SLCO6A1: variants seen among roughly 807,000 people sequenced by gnomAD.
SLCO6A1 encodes the protein solute carrier organic anion transporter family member 6A1, also known as cancer/testis antigen 48.
SLCO6A1 carries 65 observed loss-of-function variants against 72.7 expected under a neutral mutation model. That is an observed-to-expected ratio of 0.89 (90% CI 0.73 to 1.10). The LOEUF (loss-of-function observed/expected upper bound fraction) is 1.10. Among genes scored for constraint, SLCO6A1 ranks in the 50% least tolerant of loss-of-function variants. The probability of loss-of-function intolerance (pLI) is 0.00; values close to 1 mark genes in which losing one functional copy is unlikely to be tolerated. For missense variants in SLCO6A1, 874 were observed against 872.6 expected (o/e 1.00, Z -0.02); for synonymous variants, 314 against 298.2 (o/e 1.05, Z -0.55).
rs1338651445 is a variant in SLCO6A1, at chr5:102,458,502, A to T, written c.1022-11T>A. 6.3e-7 allele frequency: 1 copy of T among 1,586,072 alleles called. No homozygotes were observed. The highest frequency in any genetic ancestry group is 8.6e-7 in the Non-Finnish European group (1 of 1,163,698). The stretch of plus-strand genomic sequence containing the variant: ...TTATCCGTGTTGAACCTATATATAA[A>T]CAAGTAAAAAAACTTATGACATATT... On this transcript the variant is annotated splice_polypyrimidine_tract_variant and intron_variant, in intron 5 of 13. Coordinates refer to ENST00000506729, the MANE Select transcript of SLCO6A1 (RefSeq NM_173488.5).
At chr5:102,437,707 C>T (rs2112676725) in intron 7 of SLCO6A1, among the ~76,000 whole-genome samples, 1 of 152,188 alleles carries the variant, frequency 6.6e-6, no homozygotes, top group East Asian at 1.9e-4. Context: ...CTCAGGATTT[C>T]TGCACATCTT....
At chr5:102,464,745 G>C (rs1039130780) in intron 4 of SLCO6A1, among the ~76,000 whole-genome samples, 21 of 152,142 alleles carry the variant, frequency 1.4e-4, no homozygotes, top group African/African-American at 4.6e-4. Context: ...CATCAGGAAA[G>C]GAAAGGAAAG....
chr5:102,445,810 T>C (rs906603747), intron 6 of SLCO6A1, among the ~76,000 whole-genome samples: 1 of 152,244 alleles, frequency 6.6e-6, no homozygotes, highest in African/African-American at 2.4e-5. Context: ...CCCAGCATCA[T>C]TTATTGAATA....
At chr5:102,406,745 T>TAAA (rs536925183) in intron 9 of SLCO6A1, among the ~76,000 whole-genome samples, 3 of 151,032 alleles carry the variant, frequency 2.0e-5, no homozygotes, top group Admixed American at 6.6e-5. Flanking sequence ...ATTTGTATTC[T>TAAA]AAAAAAAAAC....
At chr5:102,474,252 G>A (rs1385860954) in intron 4 of SLCO6A1, among the ~76,000 whole-genome samples, 2 of 151,966 alleles carry the variant, frequency 1.3e-5, no homozygotes, top group Non-Finnish European at 2.9e-5. Flanking sequence ...AAATAGAATA[G>A]AGAACCCAGA....
intron 6 of SLCO6A1, 33 bp downstream of exon 6, chr5:102,458,349 G>T: frequency 1.3e-6 from 2 of 1,484,762 alleles, no homozygotes; most frequent in Non-Finnish European, 1.9e-6. Flanking sequence ...GGTCAACTTA[G>T]TTGGATTGTT....
At chr5:102,428,495 G>A (rs1749037984) in intron 7 of SLCO6A1, among the ~76,000 whole-genome samples, 1 of 152,100 alleles carries the variant, frequency 6.6e-6, no homozygotes, top group Non-Finnish European at 1.5e-5. Flanking sequence ...TAAGCTGCTA[G>A]AGGACATATT....
In SLCO6A1 at chr5:102,459,787, A is replaced by G; in HGVS notation, c.900-10T>C. On this transcript the variant is annotated splice_polypyrimidine_tract_variant and intron_variant, in intron 4 of 13. Transcript: ENST00000506729. ...ATTATTGACTGTAGTGCTTTAATAA[A>G]GAAAAGTGAAAAAAAAAAGCAACTT... is the stretch of plus-strand genomic sequence containing the variant. 1.3e-6 allele frequency: 2 copies of G among 1,551,802 alleles called. No individual in the cohort carries two copies. The highest frequency in any genetic ancestry group is 1.4e-5 in the African/African-American group (1 of 70,858).
rs2112821522 is a variant in SLCO6A1, at chr5:102,477,809, T to C, written c.669A>G (p.Ser223=). The C allele has an allele frequency of 6.2e-7, 1 of 1,613,762 alleles. No homozygotes were observed. The highest frequency in any genetic ancestry group is 8.5e-7 in the Non-Finnish European group (1 of 1,179,756). Reference sequence around the variant, plus strand: ...AGAAAGACAGGTATTTTGATTGGAATGATATACCACTGCTCTGGCAACCAC... The same window carrying C: ...AGAAAGACAGGTATTTTGATTGGAACGATATACCACTGCTCTGGCAACCAC... ...VVSGCQSSGI[S]FQSKYLSFFI... is the part of the protein sequence containing the mutation. The change falls in exon 3 of 14, where the codon TCA becomes TCG. Residue 223 remains serine, a synonymous_variant. Transcript: ENST00000506729.
At chr5:102,433,834 G>T (rs1749353563) in intron 7 of SLCO6A1, among the ~76,000 whole-genome samples, 1 of 152,116 alleles carries the variant, frequency 6.6e-6, no homozygotes, top group African/African-American at 2.4e-5. Context: ...CTCCATGGGG[G>T]AGCTAGTGAG....
At chr5:102,422,487 A>G (rs1353344926) in intron 7 of SLCO6A1, among the ~76,000 whole-genome samples, 1 of 152,184 alleles carries the variant, frequency 6.6e-6, no homozygotes, top group African/African-American at 2.4e-5. Context: ...TACACAAGGA[A>G]CAATAGCTGA....
intron 6 of SLCO6A1, among the ~76,000 whole-genome samples, chr5:102,455,920 C>T (rs939739626): frequency 6.6e-6 from 1 of 152,194 alleles, no homozygotes; most frequent in Non-Finnish European, 1.5e-5. Flanking sequence ...ATCAAGTGGG[C>T]TTCATCCCTG....
At chr5:102,449,424 T>C (rs940768833) in intron 6 of SLCO6A1, among the ~76,000 whole-genome samples, 1 of 151,882 alleles carries the variant, frequency 6.6e-6, no homozygotes, top group Non-Finnish European at 1.5e-5. Context: ...TCTCGCTCTG[T>C]TGCCCAGGCT....
intron 6 of SLCO6A1, among the ~76,000 whole-genome samples, chr5:102,442,043 G>A (rs1442205582): frequency 1.3e-5 from 2 of 152,024 alleles, no homozygotes; most frequent in Non-Finnish European, 2.9e-5. Flanking sequence ...TTACCCTAAA[G>A]AGAGTTATAG....
intron 6 of SLCO6A1, among the ~76,000 whole-genome samples, chr5:102,451,065 G>A (rs6885350): frequency 0.071 from 10,883 of 152,218 alleles, 450 homozygotes; most frequent in African/African-American, 0.1. Flanking sequence ...CAAGTGGAGA[G>A]GCCCTGCCCA....
Position 102,372,110 on chromosome 5 carries a change from A to C in SLCO6A1, c.*29T>G, listed in dbSNP as rs1750656238. ...ACTCGTTTTCACACTCTGATCCTCA[A>C]ATGATCTGCAATCCTGCTGGTTCAA... On this transcript the variant is annotated 3_prime_UTR_variant, in exon 14 of 14. Transcript: ENST00000506729. 1 of 152,092 alleles carries C rather than the reference A, an allele frequency of 6.6e-6. No individual in the cohort carries two copies. Among genetic ancestry groups the C allele is most frequent in the Non-Finnish European group, 1.5e-5 (1 of 67,930 alleles). 9.4% of individuals were successfully genotyped at this position (152,092 alleles called of 1,614,324 possible). A position where few individuals can be genotyped will look rare whatever the true frequency, so the allele number is the denominator to read the frequency against.
intron 9 of SLCO6A1, among the ~76,000 whole-genome samples, chr5:102,410,114 G>C (rs1580373504): frequency 6.6e-6 from 1 of 152,150 alleles, no homozygotes; most frequent in East Asian, 1.9e-4. Context: ...TAACAAGAAG[G>C]AGAGGAGCTT....
At chr5:102,449,894 G>A (rs1271145479) in intron 6 of SLCO6A1, among the ~76,000 whole-genome samples, 3 of 152,070 alleles carry the variant, frequency 2.0e-5, no homozygotes, top group Non-Finnish European at 2.9e-5. Flanking sequence ...TCAAACCACT[G>A]GTCTTCAAGC....
chr5:102,467,271 T>G (rs1751358693), intron 4 of SLCO6A1, among the ~76,000 whole-genome samples: 1 of 152,104 alleles, frequency 6.6e-6, no homozygotes, highest in Non-Finnish European at 1.5e-5. Flanking sequence ...ACAAAAACAT[T>G]ATCCTGGTAT....
Sources: allele counts gnomAD v4.1 joint callset (sites outside exome capture counted in the v4.1 genomes callset), GRCh38; gene constraint gnomAD v4.1.1; transcripts MANE v1.5; gene names NCBI Gene and HGNC (gene_info 2026-07-23, HGNC 2026-07-21).